Variants in SLC44A5 observed in about 807,000 individuals in gnomAD.
SLC44A5 encodes the protein choline transporter-like protein 5.
In SLC44A5, 57 loss-of-function variants were observed where a neutral mutation model predicts 101.8. The observed-to-expected ratio is 0.56, with a 90% confidence interval of 0.45 to 0.70. The LOEUF is 0.70. SLC44A5 is among the 30% of genes least tolerant of loss of function. The pLI, the probability that SLC44A5 is intolerant of heterozygous loss-of-function variation, is 0.00. For synonymous variants in SLC44A5, 281 were observed against 290.9 expected (o/e 0.97, Z 0.35); for missense variants, 737 against 853.1 (o/e 0.86, Z 1.70).
chr1:75,586,419 T>C lies in SLC44A5; in HGVS notation c.-70+24621A>G, dbSNP rs72973938. On this transcript the variant is annotated intron_variant, in intron 1 of 23. Transcript: ENST00000370859. ...TATCTGCCTGTGTGTGTCCTACTGA[T>C]TCTGTTTCTCTGGCGAACCCTAATA... is the stretch of plus-strand genomic sequence containing the variant. 9.8e-3 allele frequency among the ~76,000 whole-genome samples: 1,479 copies of C among 151,384 alleles called. 21 individuals carry two copies. Among genetic ancestry groups the C allele is most frequent in the African/African-American group, 0.035 (1,433 of 41,296 alleles).
chr1:75,702,830 C>G, the SLC44A5 span, among the ~76,000 whole-genome samples: 1 of 152,062 alleles, frequency 6.6e-6, no homozygotes, highest in African/African-American at 2.4e-5. Context: ...ACAAACAACC[C>G]CATCAAAAAG....
chr1:75,418,890 G>GAAAAAAAAT (rs1663828176), intron 2 of SLC44A5, among the ~76,000 whole-genome samples: 1 of 151,708 alleles, frequency 6.6e-6, no homozygotes, highest in Non-Finnish European at 1.5e-5. Context: ...TAGAAAACCA[G>GAAAAAAAAT]AAAAAAAATA....
rs541479507 is a variant in SLC44A5 at position 75,530,507 on chromosome 1, G to T, written c.13+10928C>A. Reference sequence around the variant, plus strand: ...ATCAATAGAAATAAACTGTAGAAAAGCTATTTGGACTGTCCTAAATCTAAA... The same window carrying T: ...ATCAATAGAAATAAACTGTAGAAAATCTATTTGGACTGTCCTAAATCTAAA... On this transcript the variant is annotated intron_variant, in intron 2 of 23. Transcript: ENST00000370859. 3.3e-5 allele frequency among the ~76,000 whole-genome samples: 5 copies of T among 152,278 alleles called. No individual in the cohort carries two copies. In the East Asian group the frequency reaches 9.6e-4, roughly 29 times the overall value.
At chr1:75,398,317 C>T (rs1357266060) in intron 2 of SLC44A5, 1 of 936,348 alleles carries the variant, frequency 1.1e-6, no homozygotes, top group African/African-American at 1.8e-5. Context: ...CTCCAATTTT[C>T]TCCAGCTCCC....
Position 75,477,346 on chromosome 1 carries a change from G to A in SLC44A5, c.13+64089C>T, listed in dbSNP as rs533456627. On this transcript the variant is annotated intron_variant, in intron 2 of 23. Transcript: ENST00000370859. ...AACTGGAAACTCTAAGAAGCAGAGC[G>A]CCTCTCCTCCTCCAAAGGAACGCAG... Among the ~76,000 whole-genome samples, 7 of 152,308 alleles carry A rather than the reference G, an allele frequency of 4.6e-5. No individual in the cohort carries two copies. The South Asian group carries it at 1.2e-3, about 27-fold the overall frequency.
intron 2 of SLC44A5, among the ~76,000 whole-genome samples, chr1:75,475,144 AATG>A (rs1228308378): frequency 6.6e-6 from 1 of 152,238 alleles, no homozygotes; most frequent in African/African-American, 2.4e-5. Context: ...TAACATCAAT[AATG>A]ATGATCTTAC....
chr1:75,482,403 T>G (rs1667923126), intron 2 of SLC44A5, among the ~76,000 whole-genome samples: 1 of 151,994 alleles, frequency 6.6e-6, no homozygotes, highest in African/African-American at 2.4e-5. Flanking sequence ...ACATGTACCC[T>G]AAAACTTAAA....
chr1:75,532,562 T>C (rs1442752003), intron 2 of SLC44A5, among the ~76,000 whole-genome samples: 1 of 152,194 alleles, frequency 6.6e-6, no homozygotes, highest in East Asian at 1.9e-4. Context: ...CCTTCCCTGC[T>C]TTATTTTTCT....
At position 75,209,660 on chromosome 1, in the gene SLC44A5, C is replaced by T. The variant is rs143886657; in HGVS notation, c.2047+1808G>A. ...GAATTGATTTTAACAGGCTCAGAAA[C>T]AAACAAACAAAAAACAAGGCCAGAC... On this transcript the variant is annotated intron_variant, in intron 23 of 23. Transcript: ENST00000370859. Among the ~76,000 whole-genome samples, 880 of 152,208 alleles carry T rather than the reference C, an allele frequency of 5.8e-3. 11 individuals carry two copies. Among genetic ancestry groups the T allele is most frequent in the African/African-American group, 0.02 (834 of 41,560 alleles).
intron 1 of SLC44A5, among the ~76,000 whole-genome samples, chr1:75,541,826 A>G (rs1389627831): frequency 6.6e-6 from 1 of 152,078 alleles, no homozygotes; most frequent in Non-Finnish European, 1.5e-5. Context: ...ACCCCTAACC[A>G]GTTGATATTC....
chr1:75,705,440 G>A, the SLC44A5 span, among the ~76,000 whole-genome samples: 3 of 152,244 alleles, frequency 2.0e-5, no homozygotes, highest in East Asian at 3.9e-4. Context: ...GAGGGTGGTT[G>A]ATAGTTTATT....
chr1:75,533,722 T>G (rs761473880), intron 2 of SLC44A5, among the ~76,000 whole-genome samples: 3 of 152,204 alleles, frequency 2.0e-5, no homozygotes, highest in Non-Finnish European at 2.9e-5. Context: ...CCTTTACCTA[T>G]CTGAATACAC....
the SLC44A5 span, among the ~76,000 whole-genome samples, chr1:75,629,910 A>G: frequency 1.3e-5 from 2 of 152,218 alleles, no homozygotes; most frequent in Non-Finnish European, 2.9e-5. Context: ...AGAACCACAC[A>G]ACACCATTAA....
rs777471894 is a variant in SLC44A5, at chr1:75,251,209, C to T, written c.345+1G>A. On this transcript the variant is annotated splice_donor_variant, in intron 7 of 23. Transcript: ENST00000370859. LOFTEE classifies it high-confidence loss of function. ...TACCAGTGAGGCACCTTTTGCCTTA[C>T]CTGTGTGGTAGGGCACTGTAGGTTT... 6.2e-7 allele frequency: 1 copy of T among 1,610,836 alleles called. No individual in the cohort carries two copies. The highest frequency in any genetic ancestry group is 1.1e-5 in the South Asian group (1 of 90,916).
chr1:75,362,303 CTTCA>C, intron 3 of SLC44A5, among the ~76,000 whole-genome samples: 1 of 151,238 alleles, frequency 6.6e-6, no homozygotes, highest in South Asian at 2.1e-4. Context: ...ATGCTGTGAT[CTTCA>C]TTATTTTCTT....
chr1:75,336,784 T>A (rs148956320), intron 4 of SLC44A5, among the ~76,000 whole-genome samples: 1 of 152,074 alleles, frequency 6.6e-6, no homozygotes, highest in East Asian at 1.9e-4. Context: ...ACAGCATACT[T>A]GGATCCACAC....
chr1:75,311,115 T>A (rs997731657), intron 4 of SLC44A5, among the ~76,000 whole-genome samples: 1 of 145,620 alleles, frequency 6.9e-6, no homozygotes, highest in Non-Finnish European at 1.5e-5. Flanking sequence ...CAAAATAGCA[T>A]CTTTTTTTTT....
At position 75,211,833 on chromosome 1, in the gene SLC44A5, CTTTT is replaced by C. The variant is rs35421893; in HGVS notation, c.1963-285_1963-282del. ...TTTCCCCTTTCTTTTCTTTTCTTTT[CTTTT>C]TTTTCTTTTCTTTTCCCTCCCTCCC... On this transcript the variant is annotated intron_variant, in intron 22 of 23. Transcript: ENST00000370859. 3.4e-5 allele frequency among the ~76,000 whole-genome samples: 5 copies of C among 146,576 alleles called. No individual in the cohort carries two copies. The East Asian group carries it at 1.0e-3, about 29-fold the overall frequency.
rs530199765 is a variant in SLC44A5, at chr1:75,530,941, G to A, written c.13+10494C>T. 5.9e-4 allele frequency among the ~76,000 whole-genome samples: 90 copies of A among 152,308 alleles called. 1 individual carries two copies. In the South Asian group the frequency reaches 0.018, roughly 31 times the overall value. On this transcript the variant is annotated intron_variant, in intron 2 of 23. Transcript: ENST00000370859. Reference sequence around the variant, plus strand: ...ACAGAAAATTAATGAATATTAAAGTGAGGAAGTTTAATGGATATTAAAGTT... The same window carrying A: ...ACAGAAAATTAATGAATATTAAAGTAAGGAAGTTTAATGGATATTAAAGTT...
Sources: allele counts gnomAD v4.1 joint callset (sites outside exome capture counted in the v4.1 genomes callset), GRCh38; gene constraint gnomAD v4.1.1; transcripts MANE v1.5; gene names NCBI Gene and HGNC (gene_info 2026-07-23, HGNC 2026-07-21).